ZC3H12B: variants seen among roughly 807,000 people sequenced by gnomAD.
ZC3H12B encodes probable ribonuclease ZC3H12B.
In ZC3H12B, 7 loss-of-function variants were observed where a neutral mutation model predicts 43.9. The observed-to-expected ratio is 0.16, with a 90% CI of 0.09 to 0.30. The LOEUF (loss-of-function observed/expected upper bound fraction) is 0.30, where lower values mean the gene tolerates loss of function less well. Among genes scored for constraint, ZC3H12B ranks in the 10% least tolerant of loss-of-function variants. The pLI is 1.00. For synonymous variants in ZC3H12B, 222 were observed against 241.7 expected, an observed-to-expected ratio of 0.92 and a Z score of 0.76; for missense variants, 475 against 670.2, an observed-to-expected ratio of 0.71 and a Z score of 3.22.
At chrX:65,052,425 A>AT in the ZC3H12B span, among the ~76,000 whole-genome samples, 120 of 108,671 alleles carry the variant, frequency 1.1e-3, 1 homozygote, top group Middle Eastern at 4.7e-3. Flanking sequence ...CGTTCTTTTT[A>AT]TTTTTTTTTG....
At chrX:65,304,731 T>A in the ZC3H12B span, among the ~76,000 whole-genome samples, 4 of 111,857 alleles carry the variant, frequency 3.6e-5, no homozygotes, top group Non-Finnish European at 1.9e-5. Context: ...AGTACACTTT[T>A]AGAAGAAAAA....
At chrX:65,344,350 A>T in the ZC3H12B span, among the ~76,000 whole-genome samples, 1 of 112,054 alleles carries the variant, frequency 8.9e-6, no homozygotes, top group Non-Finnish European at 1.9e-5. Context: ...CCAAAACAGA[A>T]TGGTACTGGT....
chrX:65,105,784 GGT>G, the ZC3H12B span, among the ~76,000 whole-genome samples: 1 of 111,059 alleles, frequency 9.0e-6, no homozygotes, highest in Non-Finnish European at 1.9e-5. Context: ...CTGCTTGGGT[GGT>G]GATAGGGAAG....
the ZC3H12B span, among the ~76,000 whole-genome samples, chrX:65,209,623 T>A: frequency 9.2e-6 from 1 of 108,643 alleles, no homozygotes; most frequent in Non-Finnish European, 1.9e-5. Context: ...TTGGAATAGG[T>A]GTGGTGTGGT....
At chrX:65,192,587 A>C in the ZC3H12B span, among the ~76,000 whole-genome samples, 1 of 111,488 alleles carries the variant, frequency 9.0e-6, no homozygotes, top group Non-Finnish European at 1.9e-5. Context: ...ATGCTTTATC[A>C]GCATCAGTTG....
At chrX:65,424,988 C>T (rs183682061) in intron 3 of ZC3H12B, among the ~76,000 whole-genome samples, 2 of 111,739 alleles carry the variant, frequency 1.8e-5, no homozygotes, top group African/African-American at 6.5e-5. Flanking sequence ...ATAGTTGTTT[C>T]TAATTCAGTG....
exon 1 of ZC3H12B, chrX:65,488,755 TAAAAAG>T: frequency 9.0e-7 from 1 of 1,105,762 alleles, no homozygotes; most frequent in South Asian, 2.3e-5. Context: ...CCAAGCAGGC[TAAAAAG>T]AAAAAGAACT....
intron 2 of ZC3H12B, among the ~76,000 whole-genome samples, chrX:65,380,211 G>A (rs951548180): frequency 8.1e-5 from 9 of 111,731 alleles, no homozygotes; most frequent in Non-Finnish European, 5.6e-5. Flanking sequence ...CAGAGAGAAA[G>A]GTAGGGTTAT....
the ZC3H12B span, among the ~76,000 whole-genome samples, chrX:65,202,179 G>GTAATATATATTATATA: frequency 1.5e-5 from 1 of 67,597 alleles, no homozygotes; most frequent in Non-Finnish European, 2.3e-5. Flanking sequence ...TATATTATAT[G>GTAATATATATTATATA]TAATATATAT....
chrX:65,101,319 C>T, the ZC3H12B span, among the ~76,000 whole-genome samples: 1 of 111,709 alleles, frequency 9.0e-6, no homozygotes. Flanking sequence ...AACATCCTAA[C>T]ATCACATTAA....
At position 65,373,730 on chromosome X, in the gene ZC3H12B, G is replaced by GGGGCCTGTTGT. The variant is rs1437536814; in HGVS notation, n.295+4736_295+4746dup. Reference sequence around the variant, plus strand: ...CACAGGAAGGGGAACATCACACACCGGGGCCTGTTGTGGGGTGGTGGGAGG... The same window carrying GGGGCCTGTTGT: ...CACAGGAAGGGGAACATCACACACCGGGGCCTGTTGTGGGCCTGTTGTGGGGTGGTGGGAGG... On this transcript the variant is annotated intron_variant and non_coding_transcript_variant, in intron 2 of 5. Coordinates refer to the ZC3H12B transcript ENST00000617377. 4.5e-5 allele frequency among the ~76,000 whole-genome samples: 4 copies of GGGGCCTGTTGT among 87,972 alleles called. No homozygotes were observed. The East Asian group carries it at 1.5e-3, about 32-fold the overall frequency. 76.4% of individuals were successfully genotyped at this position (87,972 alleles called of 115,157 possible). A position where few individuals can be genotyped will look rare whatever the true frequency, so the allele number is the denominator to read the frequency against.
chrX:65,275,184 A>G, the ZC3H12B span, among the ~76,000 whole-genome samples: 1 of 112,604 alleles, frequency 8.9e-6, no homozygotes, highest in South Asian at 3.7e-4. Flanking sequence ...GTCTGAGAAA[A>G]ACAACCCTCT....
At chrX:65,069,329 T>C in the ZC3H12B span, among the ~76,000 whole-genome samples, 1 of 106,725 alleles carries the variant, frequency 9.4e-6, no homozygotes, top group Admixed American at 1.0e-4. Context: ...TTCTTATTTC[T>C]TTTGTATCCT....
chrX:65,416,625 CA>C (rs56857046), intron 3 of ZC3H12B, among the ~76,000 whole-genome samples: 14,915 of 88,069 alleles, frequency 0.17, 2,894 homozygotes, highest in African/African-American at 0.51. Context: ...ACTAAAAATA[CA>C]AAAAAAAAAA....
chrX:65,429,332 A>G (rs1348938361), intron 3 of ZC3H12B, among the ~76,000 whole-genome samples: 1 of 112,428 alleles, frequency 8.9e-6, no homozygotes, highest in Non-Finnish European at 1.9e-5. Context: ...TGGGCTCTCC[A>G]GGGCCCACAG....
intron 2 of ZC3H12B, among the ~76,000 whole-genome samples, chrX:65,386,624 GT>G (rs773459036): frequency 2.7e-5 from 3 of 111,057 alleles, no homozygotes; most frequent in Non-Finnish European, 5.7e-5. Context: ...TTTTTGAAGG[GT>G]TTTTTGTGTC....
At chrX:65,356,333 A>G in the ZC3H12B span, among the ~76,000 whole-genome samples, 3 of 112,406 alleles carry the variant, frequency 2.7e-5, no homozygotes, top group East Asian at 8.3e-4. Context: ...AAATGCAGAA[A>G]AGACATGTTA....
the ZC3H12B span, among the ~76,000 whole-genome samples, chrX:65,059,457 A>G: frequency 9.0e-6 from 1 of 111,236 alleles, no homozygotes; most frequent in Non-Finnish European, 1.9e-5. Context: ...CAGTTTTCCC[A>G]GCACCGTTTA....
the ZC3H12B span, among the ~76,000 whole-genome samples, chrX:65,176,986 T>G: frequency 9.0e-6 from 1 of 111,723 alleles, no homozygotes; most frequent in African/African-American, 3.3e-5. Flanking sequence ...CAACAAAAAT[T>G]TCAGGCCAAT....
Sources: allele counts gnomAD v4.1 joint callset (sites outside exome capture counted in the v4.1 genomes callset), GRCh38; gene constraint gnomAD v4.1.1; transcripts MANE v1.5; gene names NCBI Gene and HGNC (gene_info 2026-07-23, HGNC 2026-07-21).